Variants in NADK observed in about 807,000 individuals in gnomAD.
The protein encoded by NADK is poly(P)/ATP NAD kinase.
A neutral mutation model predicts 49.8 loss-of-function variants in NADK; 22 were observed. The ratio of observed to expected loss-of-function variants is 0.44; its 90% confidence interval spans 0.32 to 0.63. The LOEUF (loss-of-function observed/expected upper bound fraction) is 0.63, where lower values mean the gene tolerates loss of function less well. Ranked by LOEUF, NADK falls within the 30% of genes least tolerant of loss-of-function variation. The pLI, the probability that NADK is intolerant of heterozygous loss-of-function variation, is 0.06. For missense variants in NADK, 438 were observed against 609.4 expected, an observed-to-expected ratio of 0.72 and a Z score of 2.96; for synonymous variants, 268 against 253.7, an observed-to-expected ratio of 1.06 and a Z score of -0.54.
At chr1:1,762,970 G>C (rs894722874) in intron 2 of NADK, among the ~76,000 whole-genome samples, 2 of 152,172 alleles carry the variant, frequency 1.3e-5, no homozygotes, top group African/African-American at 4.8e-5. Context: ...CTAGGTGCCC[G>C]GGAGCCTCCC....
At chr1:1,759,491 CCCA>C (rs778184640) in intron 3 of NADK, among the ~76,000 whole-genome samples, 5 of 152,242 alleles carry the variant, frequency 3.3e-5, no homozygotes, top group Non-Finnish European at 7.3e-5. Context: ...ACAACACAGG[CCCA>C]CCAATTCCCT....
chr1:1,777,967 A>ACCTGGC (rs1646260439), intron 1 of NADK, among the ~76,000 whole-genome samples: 1 of 152,168 alleles, frequency 6.6e-6, no homozygotes, highest in African/African-American at 2.4e-5. Flanking sequence ...GGAAGGCCGG[A>ACCTGGC]CACCGAGGAC....
In NADK at chr1:1,757,467, C is replaced by T. The variant is rs567120809; in HGVS notation, c.264-157G>A. On this transcript the variant is annotated intron_variant, in intron 3 of 11. Coordinates refer to ENST00000341426, the MANE Select transcript of NADK (RefSeq NM_023018.5). ...CACGGGCTCACAGGGCCTAGGGTCGCGCCACAGAGACAGGGTCAGGGGTCA... is the reference window on the plus strand; with the variant it reads ...CACGGGCTCACAGGGCCTAGGGTCGTGCCACAGAGACAGGGTCAGGGGTCA... Among the ~76,000 whole-genome samples, 120 of 152,128 alleles carry T rather than the reference C, an allele frequency of 7.9e-4. 2 individuals carry two copies. The highest frequency in any genetic ancestry group is 1.3e-3 in the Non-Finnish European group (89 of 67,986).
At chr1:1,757,131 C>G in intron 4 of NADK, 50 bp downstream of exon 4, 1 of 1,546,620 alleles carries the variant, frequency 6.5e-7, no homozygotes, top group Non-Finnish European at 8.7e-7. Flanking sequence ...GATGGAGGCC[C>G]CCCCAACTCC....
In NADK at chr1:1,756,519, G is replaced by A. The variant is rs747159807; in HGVS notation, c.483C>T (p.Phe161=). Residue 161 remains phenylalanine, a synonymous_variant, in exon 5 of 12, where the codon TTC becomes TTT. Coordinates refer to ENST00000341426, the MANE Select transcript of NADK (RefSeq NM_023018.5). Reference sequence around the variant, plus strand: ...ACAGCCCACCTTCTCGAAAGGTACAGAATTTCTTCTTCACTGCCCCAAAGC... The same window carrying A: ...ACAGCCCACCTTCTCGAAAGGTACAAAATTTCTTCTTCACTGCCCCAAAGC... ...DESFGAVKKK[F]CTFREDYDDI... The A allele has an allele frequency of 6.2e-7, 1 of 1,614,074 alleles. No homozygotes were observed. Among genetic ancestry groups the A allele is most frequent in the South Asian group, 1.1e-5 (1 of 91,092 alleles).
rs928528653 is a variant in NADK at position 1,754,978 on chromosome 1, C to T, written c.689-280G>A. ...CTGGAACTACGGGTGCGCACCACCA[C>T]GCCCAGCTAATTTTTGTATTTTTAG... On this transcript the variant is annotated intron_variant, in intron 7 of 11. Transcript: ENST00000341426. This position sits in a 1 kb window ranked among gnomAD's most constrained non-coding sequence, Gnocchi z 4.3. 12 of 430,410 alleles carry T rather than the reference C, an allele frequency of 2.8e-5. No individual in the cohort carries two copies. Among genetic ancestry groups the T allele is most frequent in the South Asian group, 5.8e-5 (2 of 34,358 alleles). 26.7% of individuals were successfully genotyped at this position (430,410 alleles called of 1,614,324 possible).
chr1:1,760,200 CAG>C (rs1349729522), intron 3 of NADK, among the ~76,000 whole-genome samples: 1 of 152,180 alleles, frequency 6.6e-6, no homozygotes, highest in Non-Finnish European at 1.5e-5. Context: ...GGAAAGCAAA[CAG>C]GGGTCGGGCC....
Position 1,763,019 on chromosome 1 carries a change from C to T in NADK, c.180-984G>A, listed in dbSNP as rs577120217. Among the ~76,000 whole-genome samples the T allele has an allele frequency of 8.5e-5, 13 of 152,354 alleles. 1 individual carries two copies. Among genetic ancestry groups the T allele is most frequent in the African/African-American group, 3.1e-4 (13 of 41,586 alleles). On this transcript the variant is annotated intron_variant, in intron 2 of 11. Transcript: ENST00000341426. ...ACTCAGAAAACTTGCACACAGCTGG[C>T]CAGGCAACGGCCCAACAAAATCCTC... is the stretch of plus-strand genomic sequence containing the variant.
chr1:1,773,715 T>TGAGAGAGAGA (rs1289878238), intron 1 of NADK, among the ~76,000 whole-genome samples: 13 of 133,394 alleles, frequency 9.7e-5, no homozygotes, highest in Non-Finnish European at 1.2e-4. Context: ...TGTGTGTGTG[T>TGAGAGAGAGA]GTGTGTGTGT....
chr1:1,757,152 C>CCA, intron 4 of NADK, 29 bp downstream of exon 4: 1 of 1,482,534 alleles, frequency 6.7e-7, no homozygotes, highest in South Asian at 1.2e-5. Context: ...ATGTGCACCC[C>CCA]AGGCCCCCTT....
intron 1 of NADK, among the ~76,000 whole-genome samples, chr1:1,776,125 C>G (rs958423917): frequency 2.0e-5 from 3 of 152,144 alleles, no homozygotes; most frequent in Non-Finnish European, 2.9e-5. Flanking sequence ...GCAAGGCCGT[C>G]GAGTCCCGCA....
intron 6 of NADK, chr1:1,755,945 A>C: frequency 2.0e-6 from 1 of 509,132 alleles, no homozygotes. Flanking sequence ...GAAACCAGGA[A>C]GAGGAGCTCA....
Position 1,754,914 on chromosome 1 carries a change from C to G in NADK, c.689-216G>C, listed in dbSNP as rs1300785948. Reference sequence around the variant, plus strand: ...TTGGCTCACTGCAACCTCTGCCTCCCAGGTTCAAGTGATTCTCCTGCCTCA... The same window carrying G: ...TTGGCTCACTGCAACCTCTGCCTCCGAGGTTCAAGTGATTCTCCTGCCTCA... On this transcript the variant is annotated intron_variant, in intron 7 of 11. Coordinates refer to ENST00000341426, the MANE Select transcript of NADK (RefSeq NM_023018.5). This position sits in a 1 kb window ranked among gnomAD's most constrained non-coding sequence, Gnocchi z 4.3. The G allele has an allele frequency of 2.0e-6, 1 of 512,422 alleles. No homozygotes were observed. Among genetic ancestry groups the G allele is most frequent in the Admixed American group, 3.8e-5 (1 of 26,520 alleles). 31.7% of individuals were successfully genotyped at this position (512,422 alleles called of 1,614,324 possible). A position where few individuals can be genotyped will look rare whatever the true frequency, so the allele number is the denominator to read the frequency against.
At chr1:1,759,785 T>A in intron 3 of NADK, 2 of 1,556,366 alleles carry the variant, frequency 1.3e-6, no homozygotes, top group Non-Finnish European at 1.7e-6. Context: ...GACCACTGAG[T>A]ACGCCCTGGT....
chr1:1,762,217 G>A (rs967029069), intron 2 of NADK, among the ~76,000 whole-genome samples, 182 bp from the exon 3 acceptor site: 1 of 152,240 alleles, frequency 6.6e-6, no homozygotes, highest in Non-Finnish European at 1.5e-5. Flanking sequence ...GGCTGCACTG[G>A]AGCGGCACCT....
Position 1,751,937 on chromosome 1 carries a change from C to T in NADK, c.*967G>A, listed in dbSNP as rs1461510659. 1 of 123,752 alleles carries T rather than the reference C, an allele frequency of 8.1e-6. No homozygotes were observed. Among genetic ancestry groups the T allele is most frequent in the East Asian group, 2.3e-4 (1 of 4,272 alleles). 7.7% of individuals were successfully genotyped at this position (123,752 alleles called of 1,614,324 possible). On this transcript the variant is annotated 3_prime_UTR_variant, in exon 12 of 12. Transcript: ENST00000341426. ...ACGGGAGAGGCAGGAGGAGAATCAG[C>T]GTGTTGAGTCCCTCGCTGTGTTAGT...
intron 1 of NADK, among the ~76,000 whole-genome samples, chr1:1,768,337 G>C (rs1166296059): frequency 6.6e-6 from 1 of 151,974 alleles, no homozygotes; most frequent in Non-Finnish European, 1.5e-5. Context: ...CAGGAGTTCA[G>C]GAACAGCCTG....
intron 3 of NADK, among the ~76,000 whole-genome samples, chr1:1,758,893 C>T (rs915774756): frequency 2.0e-5 from 3 of 152,172 alleles, no homozygotes; most frequent in Non-Finnish European, 4.4e-5. Flanking sequence ...CGCTCTGGCC[C>T]GCGGAACCGG....
chr1:1,771,997 T>TG (rs1646066676), intron 1 of NADK, among the ~76,000 whole-genome samples: 1 of 149,208 alleles, frequency 6.7e-6, no homozygotes, highest in South Asian at 2.1e-4. Flanking sequence ...TTGGTGGAGA[T>TG]GGGGTCTCCC....
Sources: gnomAD v4.1 joint callset for allele counts (sites outside exome capture counted in the v4.1 genomes callset) on GRCh38, gnomAD v4.1.1 for gene constraint, Gnocchi (gnomAD v3.1) non-coding constraint, MANE v1.5 for transcripts, NCBI Gene and HGNC (gene_info 2026-07-23, HGNC 2026-07-21) for gene names.